ZFAT: variants seen among roughly 807,000 people sequenced by gnomAD.
ZFAT encodes zinc finger and AT-hook domain containing.
ZFAT carries 64 observed loss-of-function variants against 117.7 expected under a neutral mutation model. The ratio of observed to expected loss-of-function variants is 0.54; its 90% CI spans 0.44 to 0.67. The LOEUF is 0.67. Among genes scored for constraint, ZFAT ranks in the 30% least tolerant of loss-of-function variants. The probability of loss-of-function intolerance (pLI) is 0.00; values close to 1 mark genes in which losing one functional copy is unlikely to be tolerated. For missense variants in ZFAT, 1,433 were observed against 1,584.5 expected (o/e 0.90, Z 1.62); for synonymous variants, 679 against 615.0 (o/e 1.10, Z -1.54).
At chr8:134,788,264 A>C in the ZFAT span, among the ~76,000 whole-genome samples, 2 of 152,166 alleles carry the variant, frequency 1.3e-5, no homozygotes, top group African/African-American at 4.8e-5. Flanking sequence ...GTATGCATGT[A>C]AATCTATAAA....
rs1283369983 is a variant in ZFAT at position 134,583,964 on chromosome 8, G to A, written c.2755C>T (p.Arg919Cys). Residue 919 changes from arginine (R) to cysteine (C), a missense_variant, in exon 10 of 16, where the codon CGT (arginine) becomes TGT (cysteine). This residue lies in a region of ZFAT where 503 missense variants were observed against 543.4 expected (regional missense o/e 0.93). Transcript: ENST00000377838. ...FKCSLCEYATRSKSNLKAHMN... is the reference protein window; with the variant it reads ...FKCSLCEYATCSKSNLKAHMN... ...TGAGCCTTGAGGTTACTCTTGCTAC[G>A]AGTTGCATACTCACACAAAGAACAC... 1.5e-5 allele frequency: 23 copies of A among 1,568,958 alleles called. No individual in the cohort carries two copies. Among genetic ancestry groups the A allele is most frequent in the African/African-American group, 2.7e-5 (2 of 74,092 alleles).
At chr8:134,829,373 A>G in the ZFAT span, among the ~76,000 whole-genome samples, 2 of 152,252 alleles carry the variant, frequency 1.3e-5, no homozygotes, top group Non-Finnish European at 1.5e-5. Context: ...CCGCTGCCTT[A>G]AATGATATGG....
In ZFAT at chr8:134,478,072, T is replaced by C; in HGVS notation, c.*410A>G. 1 of 220,010 alleles carries C rather than the reference T, an allele frequency of 4.5e-6. No homozygotes were observed. Among genetic ancestry groups the C allele is most frequent in the Non-Finnish European group, 9.2e-6 (1 of 108,588 alleles). The allele number at this position is 220,010 out of a possible 1,614,324, so 13.6% of individuals were successfully genotyped here. Reference sequence around the variant, plus strand: ...GATGGCTGTCTCCCTCTCACCAGACTGCATAGCGGTTGCAGATGAACATTT... The same window carrying C: ...GATGGCTGTCTCCCTCTCACCAGACCGCATAGCGGTTGCAGATGAACATTT... On this transcript the variant is annotated 3_prime_UTR_variant, in exon 16 of 16. Coordinates refer to ENST00000377838, the MANE Select transcript of ZFAT (RefSeq NM_020863.4). This position sits in a 1 kb window ranked among gnomAD's most constrained non-coding sequence, Gnocchi z 5.2.
intron 1 of ZFAT, among the ~76,000 whole-genome samples, chr8:134,676,653 GCAC>G (rs1280653273): frequency 1.3e-5 from 2 of 152,144 alleles, no homozygotes; most frequent in African/African-American, 4.8e-5. Flanking sequence ...ATTCTTCTCA[GCAC>G]CACATTACAC....
At chr8:134,526,879 A>C (rs912080578) in intron 12 of ZFAT, among the ~76,000 whole-genome samples, 1 of 151,996 alleles carries the variant, frequency 6.6e-6, no homozygotes, top group African/African-American at 2.4e-5. Flanking sequence ...CACTGCAATA[A>C]AGTTCCTATT....
the ZFAT span, among the ~76,000 whole-genome samples, chr8:134,757,297 G>A: frequency 0.04 from 6,122 of 152,054 alleles, 176 homozygotes; most frequent in Middle Eastern, 0.071. Flanking sequence ...GATTACAGCC[G>A]TGAGCCACCG....
intron 15 of ZFAT, among the ~76,000 whole-genome samples, chr8:134,487,730 C>G (rs531274272): frequency 7.9e-5 from 12 of 152,312 alleles, no homozygotes; most frequent in South Asian, 6.2e-4. Flanking sequence ...TGAGAACTCA[C>G]GTCCATGCCC....
chr8:134,664,692 G>T (rs759232820), intron 1 of ZFAT, among the ~76,000 whole-genome samples: 1 of 152,190 alleles, frequency 6.6e-6, no homozygotes, highest in East Asian at 1.9e-4. Context: ...TTGTTAATCC[G>T]CCAAAATAAC....
intron 1 of ZFAT, among the ~76,000 whole-genome samples, chr8:134,692,115 A>T (rs1563767762): frequency 6.6e-6 from 1 of 152,004 alleles, no homozygotes; most frequent in Non-Finnish European, 1.5e-5. Flanking sequence ...GAGATTACAG[A>T]CGTAAGCCAC....
At chr8:134,664,658 G>C (rs1432636143) in intron 1 of ZFAT, among the ~76,000 whole-genome samples, 2 of 152,232 alleles carry the variant, frequency 1.3e-5, no homozygotes, top group Admixed American at 1.3e-4. Context: ...GCCGGGTCAG[G>C]CTGCATCCCC....
intron 1 of ZFAT, among the ~76,000 whole-genome samples, chr8:134,698,757 C>T (rs1833939852): frequency 1.3e-5 from 2 of 152,122 alleles, no homozygotes; most frequent in Non-Finnish European, 2.9e-5. Flanking sequence ...TTTGACTCCT[C>T]CCCTGGAAGG....
intron 3 of ZFAT, among the ~76,000 whole-genome samples, chr8:134,627,552 A>T (rs1033059275): frequency 6.6e-6 from 1 of 152,228 alleles, no homozygotes; most frequent in Non-Finnish European, 1.5e-5. Context: ...GGGAGCAAGT[A>T]TAGATGGCAG....
At chr8:134,583,808 G>A (rs1825877593) in intron 10 of ZFAT, 24 bp downstream of exon 10, 2 of 1,611,154 alleles carry the variant, frequency 1.2e-6, no homozygotes, top group Non-Finnish European at 1.7e-6. Context: ...AGAGGGGAAA[G>A]TTCACCTTGG....
At chr8:134,744,990 A>G in the ZFAT span, among the ~76,000 whole-genome samples, 1 of 150,276 alleles carries the variant, frequency 6.7e-6, no homozygotes, top group South Asian at 2.1e-4. Flanking sequence ...CGGCCTCCCA[A>G]AGTGCTGGAA....
the ZFAT span, among the ~76,000 whole-genome samples, chr8:134,740,555 T>G: frequency 6.6e-6 from 1 of 151,442 alleles, no homozygotes; most frequent in Admixed American, 6.6e-5. Context: ...CTTACGCATG[T>G]TTTTTTTTCT....
intron 1 of ZFAT, among the ~76,000 whole-genome samples, chr8:134,698,344 A>T (rs1375259738): frequency 2.0e-5 from 3 of 149,026 alleles, no homozygotes; most frequent in African/African-American, 7.4e-5. Flanking sequence ...AAAAAGAATG[A>T]CCTAAATAAT....
intron 1 of ZFAT, among the ~76,000 whole-genome samples, chr8:134,693,163 G>A (rs549882155): frequency 6.6e-6 from 1 of 152,290 alleles, no homozygotes; most frequent in African/African-American, 2.4e-5. Flanking sequence ...CCAGATCTCC[G>A]TTTCTAAATG....
chr8:134,800,173 G>A, the ZFAT span, among the ~76,000 whole-genome samples: 13,520 of 152,098 alleles, frequency 0.089, 673 homozygotes, highest in South Asian at 0.14. Flanking sequence ...AATACCCAGA[G>A]CCTTATGTCA....
chr8:134,501,285 G>A (rs1327687407), intron 15 of ZFAT, among the ~76,000 whole-genome samples: 1 of 152,170 alleles, frequency 6.6e-6, no homozygotes, highest in East Asian at 1.9e-4. Context: ...CGCCTACAGA[G>A]GACACATGCA....
Sources: gnomAD v4.1 joint callset for allele counts (sites outside exome capture counted in the v4.1 genomes callset) on GRCh38, gnomAD v4.1.1 for gene constraint, gnomAD v4.1.1 regional missense constraint, Gnocchi (gnomAD v3.1) non-coding constraint, MANE v1.5 for transcripts, NCBI Gene and HGNC (gene_info 2026-07-23, HGNC 2026-07-21) for gene names.